RFX2: variants seen among roughly 807,000 people sequenced by gnomAD.
RFX2 encodes regulatory factor X2.
A neutral mutation model predicts 87.8 loss-of-function variants in RFX2; 20 were observed. The ratio of observed to expected loss-of-function variants is 0.23; its 90% CI spans 0.16 to 0.33. RFX2 has a LOEUF of 0.33. Ranked by LOEUF, RFX2 falls within the 10% of genes least tolerant of loss-of-function variation. The pLI, the probability that RFX2 is intolerant of heterozygous loss-of-function variation, is 1.00. For missense variants in RFX2, 767 were observed against 1,012.3 expected, an observed-to-expected ratio of 0.76 and a Z score of 3.29; for synonymous variants, 397 against 431.3, an observed-to-expected ratio of 0.92 and a Z score of 0.98.
At chr19:6,098,965 C>CAAAAAAAAAAAA (rs34110529) in intron 1 of RFX2, among the ~76,000 whole-genome samples, 18 of 52,712 alleles carry the variant, frequency 3.4e-4, no homozygotes, top group African/African-American at 8.4e-4. Context: ...GCTTGAACCA[C>CAAAAAAAAAAAA]AAAAAAAAAA....
chr19:6,013,010 T>C lies in RFX2; in HGVS notation c.875A>G (p.Gln292Arg). ...QEDTQYMAMR[Q>R]QPMHQKPRYR... Reference sequence around the variant, plus strand: ...CCTGGGCTTCTGGTGCATGGGCTGCTGCCGCATGGCCATGTACTGCGTGTC... The same window carrying C: ...CCTGGGCTTCTGGTGCATGGGCTGCCGCCGCATGGCCATGTACTGCGTGTC... The change falls in exon 8 of 18, where the codon CAG becomes CGG. Residue 292 changes from glutamine to arginine, a missense_variant. Physicochemically the swap from Gln to Arg is conservative, Grantham distance 43. Around this residue, in one of 2 missense-constraint regions of RFX2, gnomAD observed 621 missense variants for 873.0 expected, o/e 0.71. Transcript: ENST00000303657. The surrounding 1 kb of genome is among the most constrained non-coding windows in gnomAD (Gnocchi z 4.1). 1 of 1,578,292 alleles carries C rather than the reference T, an allele frequency of 6.3e-7. No homozygotes were observed. The highest frequency in any genetic ancestry group is 2.3e-5 in the East Asian group (1 of 42,900).
Position 6,047,448 on chromosome 19 carries a change from G to A in RFX2, c.49C>T (p.Arg17Cys), listed in dbSNP as rs769588473. The A allele has an allele frequency of 5.6e-6, 9 of 1,604,800 alleles. No individual in the cohort carries two copies. The highest frequency in any genetic ancestry group is 4.5e-5 in the East Asian group (2 of 44,448). The change falls in exon 2 of 18, where the codon CGT becomes TGT. Residue 17 changes from arginine to cysteine, a missense_variant. Transcript: ENST00000303657. This position sits in a 1 kb window ranked among gnomAD's most constrained non-coding sequence, Gnocchi z 4.2. ...ACAGGCGGGGCTGCCGCCGAGGGAC[G>A]CAGAGCCACGGACGCTGGCGAATCC... ...GADSPASVALRPSAAAPPVPA... is the reference protein window; with the variant it reads ...GADSPASVALCPSAAAPPVPA...
chr19:6,095,297 T>A (rs1246523996), intron 1 of RFX2, among the ~76,000 whole-genome samples: 2 of 152,196 alleles, frequency 1.3e-5, no homozygotes, highest in East Asian at 3.8e-4. Context: ...TACTAGAAAG[T>A]AAGCAAAATG....
At chr19:6,025,568 G>A (rs2086876142) in intron 6 of RFX2, among the ~76,000 whole-genome samples, 1 of 151,990 alleles carries the variant, frequency 6.6e-6, no homozygotes, top group African/African-American at 2.4e-5. Context: ...GCCAGGTATT[G>A]TTGAAAGTAT....
chr19:6,056,421 G>A lies in RFX2; in HGVS notation c.-8-8917C>T, dbSNP rs1290054609. Among the ~76,000 whole-genome samples, 1 of 152,156 alleles carries A rather than the reference G, an allele frequency of 6.6e-6. No individual in the cohort carries two copies. The highest frequency in any genetic ancestry group is 2.4e-5 in the African/African-American group (1 of 41,418). On this transcript the variant is annotated intron_variant, in intron 1 of 17. Coordinates refer to ENST00000303657, the MANE Select transcript of RFX2 (RefSeq NM_000635.4). This position sits in a 1 kb window ranked among gnomAD's most constrained non-coding sequence, Gnocchi z 4.6. ...AGCAGGAGTGGCTCATGATCCTGGC[G>A]GTGCTTCCAGGTAAGCGCAGTAGCT...
chr19:6,085,101 G>T (rs1056869854), intron 1 of RFX2, among the ~76,000 whole-genome samples: 1 of 152,052 alleles, frequency 6.6e-6, no homozygotes, highest in African/African-American at 2.4e-5. Context: ...TTCATTTGTT[G>T]GTGGACACTT....
chr19:6,026,381 C>T lies in RFX2; in HGVS notation c.523-144G>A, dbSNP rs112144141. ...CCTACAAAATAAAAATGAGGCTCCA[C>T]GCAGGCAGGGCGGGGGTGAGTTAAA... On this transcript the variant is annotated intron_variant, in intron 5 of 17. Transcript: ENST00000303657. The surrounding 1 kb of genome is among the most constrained non-coding windows in gnomAD (Gnocchi z 4.5). 8.3e-4 allele frequency: 587 copies of T among 709,920 alleles called. 1 individual carries two copies. The African/African-American group carries it at 8.5e-3, about 10-fold the overall frequency. 44.0% of individuals were successfully genotyped at this position (709,920 alleles called of 1,614,324 possible).
At chr19:6,093,100 A>C (rs575212605) in intron 1 of RFX2, among the ~76,000 whole-genome samples, 1 of 152,332 alleles carries the variant, frequency 6.6e-6, no homozygotes, top group East Asian at 1.9e-4. Context: ...GCTAACGCCA[A>C]GGGGAGGAAG....
rs687320 is a variant in RFX2 at position 6,073,371 on chromosome 19, G to A, written c.-8-25867C>T. 57,606 of 1,197,982 alleles carry A rather than the reference G, an allele frequency of 0.048. 10,962 individuals are homozygous for A. The African/African-American group carries it at 0.55, about 11-fold the overall frequency. The allele number at this position is 1,197,982 out of a possible 1,614,324, so 74.2% of individuals were successfully genotyped here. A position where few individuals can be genotyped will look rare whatever the true frequency, so the allele number is the denominator to read the frequency against. ...GGCTTCCGGAAGTTCCTGGTCCCCAGCGTCAAGGAGCTGGAAGTGCTGATG... is the reference window on the plus strand; with the variant it reads ...GGCTTCCGGAAGTTCCTGGTCCCCAACGTCAAGGAGCTGGAAGTGCTGATG... On this transcript the variant is annotated intron_variant, in intron 1 of 17. Transcript: ENST00000303657.
intron 1 of RFX2, among the ~76,000 whole-genome samples, chr19:6,108,402 A>G (rs1599942677): frequency 6.6e-6 from 1 of 152,226 alleles, no homozygotes; most frequent in East Asian, 1.9e-4. Flanking sequence ...ATCTTTCCAT[A>G]AGCAAACAAT....
intron 1 of RFX2, among the ~76,000 whole-genome samples, chr19:6,080,471 C>G (rs11880706): frequency 0.12 from 17,536 of 152,088 alleles, 1,196 homozygotes; most frequent in African/African-American, 0.19. Flanking sequence ...ACACAAGGTT[C>G]CAGATACACA....
rs1294218452 is a variant in RFX2, at chr19:6,017,721, TG to T, written c.598-1451del. Among the ~76,000 whole-genome samples the T allele has an allele frequency of 6.6e-6, 1 of 152,122 alleles. No individual in the cohort carries two copies. The highest frequency in any genetic ancestry group is 1.9e-4 in the East Asian group (1 of 5,162). On this transcript the variant is annotated intron_variant, in intron 6 of 17. Transcript: ENST00000303657. This position sits in a 1 kb window ranked among gnomAD's most constrained non-coding sequence, Gnocchi z 4.1. ...CTGGGCCCTTCAGAGTGGGCAGTGC[TG>T]GGTCCTCAGCCCTCCCCCACCGGGC...
intron 1 of RFX2, among the ~76,000 whole-genome samples, chr19:6,079,300 CCAGA>C (rs1164310261): frequency 6.6e-6 from 1 of 152,134 alleles, no homozygotes; most frequent in East Asian, 1.9e-4. Flanking sequence ...AGAAAATATA[CCAGA>C]CAAACAAACT....
Position 6,014,182 on chromosome 19 carries a change from A to C in RFX2, c.780-1077T>G, listed in dbSNP as rs2086694973. Reference sequence around the variant, plus strand: ...AGGATGCCATTTCTCCAGAGCTGGCAACAGGGACATGCAGGAAGCACCTGG... The same window carrying C: ...AGGATGCCATTTCTCCAGAGCTGGCCACAGGGACATGCAGGAAGCACCTGG... On this transcript the variant is annotated intron_variant, in intron 7 of 17. Transcript: ENST00000303657. Among the ~76,000 whole-genome samples the C allele has an allele frequency of 2.0e-5, 3 of 152,218 alleles. No individual in the cohort carries two copies. The South Asian group carries it at 6.2e-4, about 32-fold the overall frequency.
chr19:6,089,880 G>A (rs1003900934), intron 1 of RFX2, among the ~76,000 whole-genome samples: 2 of 152,190 alleles, frequency 1.3e-5, no homozygotes, highest in African/African-American at 4.8e-5. Flanking sequence ...TTTCACAGAG[G>A]AACAGAAACT....
intron 5 of RFX2, among the ~76,000 whole-genome samples, chr19:6,034,426 A>G (rs1266756936): frequency 6.6e-6 from 1 of 151,848 alleles, no homozygotes; most frequent in African/African-American, 2.4e-5. Context: ...ACGGGGTTTC[A>G]CCATGTTGGC....
At chr19:6,079,683 C>T (rs560119201) in intron 1 of RFX2, among the ~76,000 whole-genome samples, 1 of 151,942 alleles carries the variant, frequency 6.6e-6, no homozygotes, top group East Asian at 1.9e-4. Flanking sequence ...GTCAGGAGAT[C>T]GAGACCATCC....
chr19:6,090,065 G>A (rs2087911786), intron 1 of RFX2, among the ~76,000 whole-genome samples: 1 of 151,996 alleles, frequency 6.6e-6, no homozygotes, highest in African/African-American at 2.4e-5. Flanking sequence ...AGGCTCAAGA[G>A]GTCCTCCCAC....
At position 6,007,031 on chromosome 19, in the gene RFX2, G is replaced by A. The variant is rs748535506; in HGVS notation, c.1383C>T (p.Asp461=). The A allele has an allele frequency of 6.2e-6, 10 of 1,614,030 alleles. No individual in the cohort carries two copies. In the African/African-American group the frequency reaches 9.3e-5, roughly 15 times the overall value. Residue 461 remains aspartate, a synonymous_variant, in exon 12 of 18, where the codon GAC becomes GAT. Transcript: ENST00000303657. This position sits in a 1 kb window ranked among gnomAD's most constrained non-coding sequence, Gnocchi z 8.2. ...ACTTACTGGGGACCGGCCTCAGCAC[G>A]TCGGGGATGAGAATCTCCACCAGCG... ...YQALVEILIP[D]VLRPVPSTLT...
Sources: allele counts gnomAD v4.1 joint callset (sites outside exome capture counted in the v4.1 genomes callset), GRCh38; gene constraint gnomAD v4.1.1; regional missense constraint gnomAD v4.1.1; non-coding constraint Gnocchi (gnomAD v3.1); transcripts MANE v1.5; gene names NCBI Gene and HGNC (gene_info 2026-07-23, HGNC 2026-07-21).